NIPAL4: variants seen among roughly 807,000 people sequenced by gnomAD.
The protein encoded by NIPAL4 is magnesium transporter NIPA4.
A neutral mutation model predicts 31.6 loss-of-function variants in NIPAL4; 21 were observed. That is an observed-to-expected ratio of 0.67 (90% CI 0.47 to 0.96). NIPAL4 has a LOEUF of 0.96. NIPAL4 is among the 40% of genes least tolerant of loss of function. The probability of loss-of-function intolerance (pLI) is 0.00; values close to 1 mark genes in which losing one functional copy is unlikely to be tolerated. For synonymous variants in NIPAL4, 175 were observed against 211.1 expected, an observed-to-expected ratio of 0.83 and a Z score of 1.48; for missense variants, 438 against 508.0, an observed-to-expected ratio of 0.86 and a Z score of 1.32.
chr5:157,470,059 C>T (rs548789799), intron 4 of NIPAL4, among the ~76,000 whole-genome samples: 1 of 152,140 alleles, frequency 6.6e-6, no homozygotes, highest in African/African-American at 2.4e-5. Context: ...AGAGGAAAGA[C>T]GGAAGACAGA....
Position 157,472,410 on chromosome 5 carries a change from G to C in NIPAL4, c.665G>C (p.Arg222Thr). The change falls in exon 6 of 6, where the codon AGG becomes ACG. Residue 222 changes from arginine to threonine, a missense_variant. Arg to Thr is a moderately conservative substitution (Grantham distance 71). Transcript: ENST00000311946. The part of the protein sequence containing the change: ...IFVIAPRYGQ[R>T]NILIYIIICS... ...GTCATTGCCCCACGTTACGGGCAAA[G>C]GAATATCCTCATCTACATCATCATC... 1 of 1,613,734 alleles carries C rather than the reference G, an allele frequency of 6.2e-7. No homozygotes were observed. Among genetic ancestry groups the C allele is most frequent in the Non-Finnish European group, 8.5e-7 (1 of 1,179,842 alleles).
At chr5:157,468,660 C>A in intron 3 of NIPAL4, 62 bp from the exon 4 acceptor site, 2 of 933,308 alleles carry the variant, frequency 2.1e-6, no homozygotes, top group South Asian at 1.3e-5. Context: ...CGGAATTATT[C>A]GTCTGGAATG....
rs1754292930 is a variant in NIPAL4 at position 157,467,033 on chromosome 5, T to C, written c.278-16T>C. On this transcript the variant is annotated splice_polypyrimidine_tract_variant and intron_variant, in intron 2 of 5. Coordinates refer to ENST00000311946, the MANE Select transcript of NIPAL4 (RefSeq NM_001099287.2). ...GGCCAAGTTCCATCCTAACTTTGTG[T>C]CCATTCCCTCCACAGTGGATGGAGG... The C allele has an allele frequency of 1.2e-6, 2 of 1,606,838 alleles. No homozygotes were observed.
rs542842127 is a variant in NIPAL4 at position 157,473,057 on chromosome 5, A to T, written c.*97A>T. The T allele has an allele frequency of 9.8e-7, 1 of 1,025,578 alleles. No individual in the cohort carries two copies. Among genetic ancestry groups the T allele is most frequent in the East Asian group, 2.5e-5 (1 of 40,788 alleles). 63.5% of individuals were successfully genotyped at this position (1,025,578 alleles called of 1,614,324 possible). ...TTATTTTCCAGTGCAACTGTTACCA[A>T]TGGGCTCTCTTTTCTTGAGAAGTTC... is the stretch of plus-strand genomic sequence containing the variant. On this transcript the variant is annotated 3_prime_UTR_variant, in exon 6 of 6. Transcript: ENST00000311946.
Position 157,460,813 on chromosome 5 carries a change from C to G in NIPAL4, c.37+456C>G, listed in dbSNP as rs565199047. On this transcript the variant is annotated intron_variant, in intron 1 of 5. Transcript: ENST00000311946. Reference sequence around the variant, plus strand: ...AACCACAGGAAGGGGTAAAGAAAGACCCCTGACTTCCTATTGCGTTCTGAC... The same window carrying G: ...AACCACAGGAAGGGGTAAAGAAAGAGCCCTGACTTCCTATTGCGTTCTGAC... Among the ~76,000 whole-genome samples the G allele has an allele frequency of 7.2e-5, 11 of 152,272 alleles. No individual in the cohort carries two copies. In the East Asian group the frequency reaches 1.9e-3, roughly 27 times the overall value.
chr5:157,467,142 TTGA>T, intron 3 of NIPAL4, 37 bp downstream of exon 3: 1 of 1,472,186 alleles, frequency 6.8e-7, no homozygotes, highest in Non-Finnish European at 9.5e-7. Context: ...CAGTGGCCTA[TTGA>T]TAGCAGGGCT....
intron 1 of NIPAL4, 132 bp downstream of exon 1, chr5:157,460,489 G>A: frequency 1.1e-6 from 1 of 878,688 alleles, no homozygotes; most frequent in South Asian, 1.4e-5. Context: ...GCACGAGGTG[G>A]CTCCCACCCA....
chr5:157,471,632 C>A, intron 4 of NIPAL4, 25 bp from the exon 5 acceptor site: 1 of 1,586,676 alleles, frequency 6.3e-7, no homozygotes, highest in Non-Finnish European at 8.6e-7. Context: ...CTGCTCTAAT[C>A]CCCTTCTCCC....
At chr5:157,463,628 G>A (rs1561827935) in intron 2 of NIPAL4, among the ~76,000 whole-genome samples, 1 of 152,188 alleles carries the variant, frequency 6.6e-6, no homozygotes, top group Non-Finnish European at 1.5e-5. Flanking sequence ...CCAAGAATCA[G>A]ATATGCATGT....
chr5:157,470,941 C>G (rs970383149), intron 4 of NIPAL4, among the ~76,000 whole-genome samples: 1 of 152,198 alleles, frequency 6.6e-6, no homozygotes, highest in African/African-American at 2.4e-5. Context: ...TTTGGGAATA[C>G]TTTCAGTCTC....
intron 4 of NIPAL4, among the ~76,000 whole-genome samples, chr5:157,470,191 T>C (rs1484301477): frequency 6.6e-6 from 1 of 152,186 alleles, no homozygotes; most frequent in African/African-American, 2.4e-5. Context: ...GCCACCTTCA[T>C]GAAGAGACAG....
intron 1 of NIPAL4, among the ~76,000 whole-genome samples, chr5:157,462,837 TCTGA>T (rs1427247886): frequency 6.6e-6 from 1 of 152,212 alleles, no homozygotes; most frequent in Non-Finnish European, 1.5e-5. Context: ...ATGTACTTCT[TCTGA>T]CTGAGGGTCT....
At chr5:157,467,841 CAGAT>C (rs1424229063) in intron 3 of NIPAL4, 8 of 152,164 alleles carry the variant, frequency 5.3e-5, no homozygotes, top group African/African-American at 1.7e-4. Context: ...ACTGGAAACT[CAGAT>C]AGAGAGAAAG....
intron 4 of NIPAL4, 72 bp downstream of exon 4, chr5:157,468,884 T>A: frequency 9.8e-7 from 1 of 1,020,688 alleles, no homozygotes; most frequent in Non-Finnish European, 1.4e-6. Context: ...AATTGCCAAG[T>A]GGGATCGACT....
intron 1 of NIPAL4, chr5:157,460,638 G>C: frequency 1.9e-6 from 1 of 531,476 alleles, no homozygotes; most frequent in Non-Finnish European, 3.6e-6. Flanking sequence ...GACGACAGCA[G>C]ACACCCTGAG....
At chr5:157,465,281 A>G (rs1217895245) in intron 2 of NIPAL4, among the ~76,000 whole-genome samples, 1 of 152,230 alleles carries the variant, frequency 6.6e-6, no homozygotes, top group Non-Finnish European at 1.5e-5. Context: ...ACCATTCAGA[A>G]AGACAACTTC....
rs114312788 is a variant in NIPAL4, at chr5:157,470,928, C to T, written c.426-729C>T. ...ATTTTGAAGTGTTCTTCCAACTCTT[C>T]TGTTTGGGAATACTTTCAGTCTCTA... On this transcript the variant is annotated intron_variant, in intron 4 of 5. Coordinates refer to ENST00000311946, the MANE Select transcript of NIPAL4 (RefSeq NM_001099287.2). Among the ~76,000 whole-genome samples, 1,183 of 152,320 alleles carry T rather than the reference C, an allele frequency of 7.8e-3. 10 individuals are homozygous for T. The highest frequency in any genetic ancestry group is 0.026 in the African/African-American group (1,088 of 41,566).
chr5:157,463,165 G>A lies in NIPAL4; in HGVS notation c.109G>A (p.Val37Met), dbSNP rs371873753. 22 of 1,613,882 alleles carry A rather than the reference G, an allele frequency of 1.4e-5. No homozygotes were observed. In the African/African-American group the frequency reaches 2.4e-4, roughly 18 times the overall value. Residue 37 changes from valine to methionine, a missense_variant, in exon 2 of 6, where the codon GTG (valine) becomes ATG (methionine). Coordinates refer to ENST00000311946, the MANE Select transcript of NIPAL4 (RefSeq NM_001099287.2). ...GATTGTCAATGACCTCAGCCCTGAG[G>A]TGCCCAGCAATGCCACCTTTCACAG... ...CQIVNDLSPE[V>M]PSNATFHSWQ... is the part of the protein sequence containing the mutation.
intron 1 of NIPAL4, 195 bp downstream of exon 1, chr5:157,460,552 G>C: frequency 2.8e-6 from 2 of 711,868 alleles, no homozygotes; most frequent in South Asian, 3.0e-5. Context: ...TCGCAGCTGG[G>C]ATGGCTGAGA....
Sources: allele counts gnomAD v4.1 joint callset (sites outside exome capture counted in the v4.1 genomes callset), GRCh38; gene constraint gnomAD v4.1.1; transcripts MANE v1.5; gene names NCBI Gene and HGNC (gene_info 2026-07-23, HGNC 2026-07-21).